The following CUX2 variants were observed in gnomAD, a reference collection of about 807,000 sequenced individuals.
CUX2 encodes the protein cut like homeobox 2.
A neutral mutation model predicts 144.8 loss-of-function variants in CUX2; 40 were observed. That is an observed-to-expected ratio of 0.28 (90% CI 0.21 to 0.36). The LOEUF is 0.36. Among genes scored for constraint, CUX2 ranks in the 10% least tolerant of loss-of-function variants. The probability of loss-of-function intolerance (pLI) is 1.00; values close to 1 mark genes in which losing one functional copy is unlikely to be tolerated. For synonymous variants in CUX2, 827 were observed against 875.6 expected (o/e 0.94, Z 0.98); for missense variants, 1,615 against 1,994.0 (o/e 0.81, Z 3.62).
chr12:111,245,221 G>A (rs1555207299), intron 3 of CUX2, among the ~76,000 whole-genome samples: 1 of 151,872 alleles, frequency 6.6e-6, no homozygotes, highest in South Asian at 2.1e-4. Flanking sequence ...GAGAAGGAGA[G>A]CAGAAAAAAT....
chr12:111,323,844 G>T (rs1423706518), intron 18 of CUX2, among the ~76,000 whole-genome samples: 1 of 152,134 alleles, frequency 6.6e-6, no homozygotes, highest in African/African-American at 2.4e-5. Context: ...ATCTCTTGAA[G>T]CCTGGAGTTT....
chr12:111,289,130 G>A lies in CUX2; in HGVS notation c.302-2288G>A, dbSNP rs1018985812. ...AGAGCCAGATTCTGTCTCAAAAAAA[G>A]AAAAAAGGAAAAAAGAAAATTCTGG... On this transcript the variant is annotated intron_variant, in intron 4 of 21. Transcript: ENST00000261726. The surrounding 1 kb of genome is among the most constrained non-coding windows in gnomAD (Gnocchi z 4.1). 5.9e-5 allele frequency among the ~76,000 whole-genome samples: 9 copies of A among 151,744 alleles called. No homozygotes were observed. The highest frequency in any genetic ancestry group is 7.4e-5 in the Non-Finnish European group (5 of 67,890).
At chr12:111,325,504 C>T (rs970480992) in intron 18 of CUX2, among the ~76,000 whole-genome samples, 1 of 152,294 alleles carries the variant, frequency 6.6e-6, no homozygotes, top group Admixed American at 6.5e-5. Flanking sequence ...GAGTGGCAGA[C>T]CTAGGATGAG....
At chr12:111,075,450 G>A (rs1406419693) in intron 1 of CUX2, among the ~76,000 whole-genome samples, 1 of 152,108 alleles carries the variant, frequency 6.6e-6, no homozygotes, top group Non-Finnish European at 1.5e-5. Flanking sequence ...ATGTTCTCTG[G>A]GGTGGAGTCA....
Position 111,187,584 on chromosome 12 carries a change from C to G in CUX2, c.64-26616C>G, listed in dbSNP as rs150883331. On this transcript the variant is annotated intron_variant, in intron 1 of 21. Transcript: ENST00000261726. ...GAGACCTGGCTGGGGATTGGGGTAC[C>G]CTGGCCTTGGGGCCTGCCACCCCTG... Among the ~76,000 whole-genome samples the G allele has an allele frequency of 4.5e-3, 681 of 152,308 alleles. 6 individuals carry two copies. Among genetic ancestry groups the G allele is most frequent in the African/African-American group, 0.016 (651 of 41,566 alleles).
intron 1 of CUX2, among the ~76,000 whole-genome samples, chr12:111,140,458 A>G (rs1186622627): frequency 2.0e-5 from 3 of 152,214 alleles, no homozygotes; most frequent in African/African-American, 7.2e-5. Flanking sequence ...ATCTAGGAAT[A>G]TTAGTACAGA....
intron 1 of CUX2, among the ~76,000 whole-genome samples, chr12:111,209,223 C>T (rs1881077590): frequency 2.0e-5 from 3 of 150,028 alleles, no homozygotes. Flanking sequence ...CATGGCGAGA[C>T]CCCCATCTCT....
At chr12:111,076,134 G>T (rs560018092) in intron 1 of CUX2, among the ~76,000 whole-genome samples, 1 of 152,324 alleles carries the variant, frequency 6.6e-6, no homozygotes, top group South Asian at 2.1e-4. Flanking sequence ...ACTTTCTGAA[G>T]TTCCCACTAA....
chr12:111,260,596 C>T (rs1399855864), intron 3 of CUX2, among the ~76,000 whole-genome samples: 2 of 152,164 alleles, frequency 1.3e-5, no homozygotes, highest in Non-Finnish European at 2.9e-5. Flanking sequence ...GCACATGGAC[C>T]GGTGGCTGCC....
intron 16 of CUX2, among the ~76,000 whole-genome samples, chr12:111,319,320 G>A (rs1887381985): frequency 6.6e-6 from 1 of 151,908 alleles, no homozygotes; most frequent in African/African-American, 2.4e-5. Context: ...AGGGAAATGA[G>A]GAAGGAAAGA....
At chr12:111,242,524 G>C (rs886364603) in intron 3 of CUX2, among the ~76,000 whole-genome samples, 1 of 152,154 alleles carries the variant, frequency 6.6e-6, no homozygotes, top group African/African-American at 2.4e-5. Flanking sequence ...TCCTAGATTA[G>C]ATTTGTAGGC....
rs1487715730 is a variant in CUX2 at position 111,039,432 on chromosome 12, A to C, written c.63+5192A>C. 1.3e-5 allele frequency among the ~76,000 whole-genome samples: 2 copies of C among 152,180 alleles called. No individual in the cohort carries two copies. The highest frequency in any genetic ancestry group is 2.9e-5 in the Non-Finnish European group (2 of 68,032). On this transcript the variant is annotated intron_variant, in intron 1 of 21. Coordinates refer to ENST00000261726, the MANE Select transcript of CUX2 (RefSeq NM_015267.4). The surrounding 1 kb of genome is among the most constrained non-coding windows in gnomAD (Gnocchi z 4.2). ...CCTGGGTGAATCATCCCACATCCCA[A>C]GTCTCCTGCTTCTTAACCCTTGAAG...
intron 9 of CUX2, among the ~76,000 whole-genome samples, chr12:111,302,937 A>G (rs567999431): frequency 6.6e-6 from 1 of 150,728 alleles, no homozygotes; most frequent in East Asian, 2.0e-4. Context: ...AAAGAAATCT[A>G]CCAGCTGGGC....
chr12:111,170,023 C>T (rs1878418215), intron 1 of CUX2, among the ~76,000 whole-genome samples: 2 of 152,144 alleles, frequency 1.3e-5, no homozygotes, highest in Non-Finnish European at 2.9e-5. Flanking sequence ...ATGCAAGGTA[C>T]TAGGGGGAAG....
chr12:111,298,297 G>C (rs2136345615), intron 8 of CUX2, among the ~76,000 whole-genome samples: 1 of 152,368 alleles, frequency 6.6e-6, no homozygotes, highest in South Asian at 2.1e-4. Context: ...AAGGCTTGGA[G>C]GTGGAGTTCA....
At chr12:111,253,681 C>G (rs540616416) in intron 3 of CUX2, among the ~76,000 whole-genome samples, 2 of 152,100 alleles carry the variant, frequency 1.3e-5, no homozygotes, top group African/African-American at 2.4e-5. Flanking sequence ...ACAGCCCCAT[C>G]CCTAGGAGAT....
At chr12:111,331,953 G>A (rs1343164312) in intron 18 of CUX2, among the ~76,000 whole-genome samples, 2 of 151,672 alleles carry the variant, frequency 1.3e-5, no homozygotes, top group South Asian at 2.1e-4. Flanking sequence ...GGTGGCAAAC[G>A]CTTGTAATCC....
At chr12:111,205,271 G>A (rs1038714576) in intron 1 of CUX2, among the ~76,000 whole-genome samples, 8 of 152,020 alleles carry the variant, frequency 5.3e-5, no homozygotes, top group South Asian at 2.1e-4. Flanking sequence ...AACCTGCCCC[G>A]CAGTAGATAG....
intron 1 of CUX2, among the ~76,000 whole-genome samples, chr12:111,148,054 A>G (rs1592940041): frequency 6.6e-6 from 1 of 152,320 alleles, no homozygotes; most frequent in East Asian, 1.9e-4. Flanking sequence ...TACACACCCT[A>G]AAAATTGGAA....
Sources: allele counts gnomAD v4.1 joint callset (sites outside exome capture counted in the v4.1 genomes callset), GRCh38; gene constraint gnomAD v4.1.1; non-coding constraint Gnocchi (gnomAD v3.1); transcripts MANE v1.5; gene names NCBI Gene and HGNC (gene_info 2026-07-23, HGNC 2026-07-21).